Variants in SLC39A11 observed in about 807,000 individuals in gnomAD.
SLC39A11 encodes zinc transporter ZIP11.
Under a neutral mutation model 36.1 loss-of-function variants are expected in SLC39A11, and 33 were observed. That is an observed-to-expected ratio of 0.91 (90% CI 0.69 to 1.22). The LOEUF is 1.22. Among genes scored for constraint, SLC39A11 ranks in the 50% most tolerant of loss-of-function variants. The probability of loss-of-function intolerance (pLI) is 0.00; values close to 1 mark genes in which losing one functional copy is unlikely to be tolerated. For missense variants in SLC39A11, 432 were observed against 430.3 expected (o/e 1.00, Z -0.03); for synonymous variants, 166 against 170.3 (o/e 0.97, Z 0.20).
intron 5 of SLC39A11, among the ~76,000 whole-genome samples, chr17:72,909,750 C>CTTTTTTTTTT (rs56091262): frequency 1.4e-5 from 2 of 144,654 alleles, no homozygotes; most frequent in Non-Finnish European, 3.0e-5. Flanking sequence ...TTTCTTTTTT[C>CTTTTTTTTTT]TTTTTTTTTT....
At chr17:73,068,134 C>A (rs2060051315) in intron 3 of SLC39A11, 1 of 1,335,606 alleles carries the variant, frequency 7.5e-7, no homozygotes, top group Admixed American at 1.8e-5. Context: ...CAATTTTTTT[C>A]TTGGTGTCGC....
At chr17:72,745,033 GGTTTCACCATGTTGGCCA>G (rs144256146) in intron 6 of SLC39A11, among the ~76,000 whole-genome samples, 11,973 of 152,190 alleles carry the variant, frequency 0.079, 567 homozygotes, top group African/African-American at 0.13. Flanking sequence ...GTAGAGATGG[GGTTTCACCATGTTGGCCA>G]GGCTGGTCTT....
At chr17:73,085,603 T>C (rs149188614) in intron 2 of SLC39A11, among the ~76,000 whole-genome samples, 123 of 146,142 alleles carry the variant, frequency 8.4e-4, no homozygotes, top group African/African-American at 3.1e-3. Context: ...GATCATGCCA[T>C]TGCACTCTAG....
intron 6 of SLC39A11, among the ~76,000 whole-genome samples, chr17:72,800,425 C>T (rs190060964): frequency 1.8e-4 from 27 of 151,794 alleles, no homozygotes; most frequent in Admixed American, 1.8e-3. Context: ...ATTCTCCTGC[C>T]TCAGCTTCCT....
intron 7 of SLC39A11, among the ~76,000 whole-genome samples, chr17:72,676,084 A>T (rs2071246892): frequency 6.8e-6 from 1 of 148,110 alleles, no homozygotes; most frequent in Admixed American, 6.9e-5. Context: ...ACACACACAC[A>T]CACACACACA....
chr17:72,806,363 G>A (rs1237942809), intron 6 of SLC39A11, among the ~76,000 whole-genome samples: 1 of 152,184 alleles, frequency 6.6e-6, no homozygotes, highest in Non-Finnish European at 1.5e-5. Flanking sequence ...AAAGCTTGAA[G>A]CTTGGGAAAT....
At chr17:72,785,024 T>C (rs1228849752) in intron 6 of SLC39A11, among the ~76,000 whole-genome samples, 2 of 152,052 alleles carry the variant, frequency 1.3e-5, no homozygotes, top group African/African-American at 4.8e-5. Context: ...TGCGCCCCCA[T>C]GCTTGGCTAA....
chr17:72,851,420 A>C (rs1289813671), intron 5 of SLC39A11, among the ~76,000 whole-genome samples: 2 of 152,142 alleles, frequency 1.3e-5, no homozygotes, highest in African/African-American at 4.8e-5. Flanking sequence ...TCTTGAGTGA[A>C]TCTTAAACAC....
At chr17:72,769,806 G>C (rs2144681074) in intron 6 of SLC39A11, among the ~76,000 whole-genome samples, 1 of 152,292 alleles carries the variant, frequency 6.6e-6, no homozygotes, top group African/African-American at 2.4e-5. Context: ...GCCTCCCAAA[G>C]TGCTGGGATT....
intron 3 of SLC39A11, among the ~76,000 whole-genome samples, chr17:73,081,657 ACAC>A (rs879809531): frequency 0.053 from 3,978 of 74,552 alleles, 161 homozygotes; most frequent in East Asian, 0.26. Flanking sequence ...ACACACACAC[ACAC>A]ACACACACAC....
chr17:72,666,484 T>C (rs1032255458), intron 7 of SLC39A11, among the ~76,000 whole-genome samples: 2 of 152,228 alleles, frequency 1.3e-5, no homozygotes, highest in Admixed American at 6.5e-5. Context: ...CTGAATAACA[T>C]ACGCTCTCAA....
intron 5 of SLC39A11, among the ~76,000 whole-genome samples, chr17:72,883,492 C>A (rs1302062343): frequency 6.6e-6 from 1 of 152,152 alleles, no homozygotes; most frequent in East Asian, 1.9e-4. Context: ...AGTACTGAAG[C>A]TTTTCAAGGT....
chr17:72,899,988 AAGAG>A (rs1184216709), intron 5 of SLC39A11, among the ~76,000 whole-genome samples: 46 of 23,812 alleles, frequency 1.9e-3, no homozygotes, highest in African/African-American at 2.9e-3. Context: ...GAGAGAAAGA[AAGAG>A]AGAGAGAGAG....
intron 5 of SLC39A11, among the ~76,000 whole-genome samples, chr17:72,890,627 T>C (rs1598295842): frequency 1.3e-5 from 2 of 152,210 alleles, no homozygotes; most frequent in Admixed American, 1.3e-4. Context: ...TGAATACAAG[T>C]GGCTGTTGGA....
chr17:72,685,119 G>A (rs1448654785), intron 7 of SLC39A11, among the ~76,000 whole-genome samples: 1 of 151,910 alleles, frequency 6.6e-6, no homozygotes, highest in Non-Finnish European at 1.5e-5. Flanking sequence ...TACATGCCAA[G>A]GCCCAAATTG....
intron 7 of SLC39A11, among the ~76,000 whole-genome samples, chr17:72,726,838 G>A (rs572333370): frequency 3.3e-5 from 5 of 152,248 alleles, no homozygotes; most frequent in African/African-American, 1.2e-4. Context: ...TGGTTTTGAT[G>A]CCTCCATGTG....
chr17:72,843,747 C>A (rs916915235), intron 6 of SLC39A11, among the ~76,000 whole-genome samples: 40 of 152,268 alleles, frequency 2.6e-4, no homozygotes, highest in African/African-American at 9.4e-4. Context: ...TGTACAACAT[C>A]CTCTTGTGAG....
chr17:72,838,064 T>C, intron 6 of SLC39A11: 1 of 1,083,164 alleles, frequency 9.2e-7, no homozygotes, highest in Non-Finnish European at 1.2e-6. Flanking sequence ...CAGGAGGTTC[T>C]CTTGAGGCCA....
intron 3 of SLC39A11, among the ~76,000 whole-genome samples, chr17:73,056,467 C>A (rs760303400): frequency 9.2e-5 from 14 of 152,222 alleles, no homozygotes; most frequent in Non-Finnish European, 1.9e-4. Flanking sequence ...CCGCACCCGG[C>A]TGGACTCTGC....
Sources: allele counts gnomAD v4.1 joint callset (sites outside exome capture counted in the v4.1 genomes callset), GRCh38; gene constraint gnomAD v4.1.1; transcripts MANE v1.5; gene names NCBI Gene and HGNC (gene_info 2026-07-23, HGNC 2026-07-21).